TUSC3: variants seen among roughly 807,000 people sequenced by gnomAD.
TUSC3 encodes the protein dolichyl-diphosphooligosaccharide--protein glycosyltransferase subunit TUSC3.
Under a neutral mutation model 44.8 loss-of-function variants are expected in TUSC3, and 45 were observed. That is an observed-to-expected ratio of 1.00 (90% CI 0.79 to 1.29). The LOEUF (loss-of-function observed/expected upper bound fraction) is 1.29, where lower values mean the gene tolerates loss of function less well. TUSC3 is among the 50% of genes most tolerant of loss of function. The pLI is 0.00. For missense variants in TUSC3, 519 were observed against 437.9 expected (o/e 1.19, Z -1.65); for synonymous variants, 212 against 152.9 (o/e 1.39, Z -2.85).
At chr8:15,704,426 C>G (rs1031770241) in intron 6 of TUSC3, among the ~76,000 whole-genome samples, 2 of 151,724 alleles carry the variant, frequency 1.3e-5, no homozygotes, top group African/African-American at 2.4e-5. Context: ...TGTTAGGGAC[C>G]TTGAATTTTA....
chr8:15,705,766 G>T lies in TUSC3; in HGVS notation c.799-24900G>T, dbSNP rs867078641. Among the ~76,000 whole-genome samples, 4 of 151,990 alleles carry T rather than the reference G, an allele frequency of 2.6e-5. No individual in the cohort carries two copies. The South Asian group carries it at 8.3e-4, about 32-fold the overall frequency. On this transcript the variant is annotated intron_variant, in intron 6 of 10. Transcript: ENST00000503731. ...TCAGCCCAATGATGATGGCAGGTGGGTCATCTTCAGTCTGTCAGAGTTTGT... is the reference window on the plus strand; with the variant it reads ...TCAGCCCAATGATGATGGCAGGTGGTTCATCTTCAGTCTGTCAGAGTTTGT...
At chr8:15,718,586 T>G (rs1238386226) in intron 6 of TUSC3, among the ~76,000 whole-genome samples, 2 of 152,126 alleles carry the variant, frequency 1.3e-5, no homozygotes, top group Non-Finnish European at 2.9e-5. Flanking sequence ...ATACACATCT[T>G]CTAAAGGAGA....
chr8:15,773,205 G>T, the TUSC3 span, among the ~76,000 whole-genome samples: 1 of 152,106 alleles, frequency 6.6e-6, no homozygotes, highest in South Asian at 2.1e-4. Flanking sequence ...TCCTTTCACA[G>T]ATGGCATGAT....
intron 1 of TUSC3, among the ~76,000 whole-genome samples, chr8:15,600,967 G>C (rs1380947351): frequency 6.6e-6 from 1 of 151,538 alleles, no homozygotes; most frequent in Non-Finnish European, 1.5e-5. Flanking sequence ...TTTGTATTTA[G>C]TTAAAATAAT....
intron 6 of TUSC3, among the ~76,000 whole-genome samples, chr8:15,675,317 A>G (rs1835140): frequency 6.6e-6 from 1 of 151,682 alleles, no homozygotes; most frequent in South Asian, 2.1e-4. Context: ...GGTATAAAAC[A>G]TATTAAGGCA....
intron 7 of TUSC3, among the ~76,000 whole-genome samples, chr8:15,738,734 G>C (rs1410801761): frequency 6.6e-6 from 1 of 151,408 alleles, no homozygotes; most frequent in African/African-American, 2.4e-5. Context: ...TGTTTTAAAG[G>C]AGTCAGGTTT....
upstream of TUSC3, among the ~76,000 whole-genome samples, chr8:15,539,377 G>C (rs1801595584): frequency 1.1e-5 from 1 of 90,966 alleles, no homozygotes; most frequent in Non-Finnish European, 2.0e-5. Context: ...TTTTGAGACA[G>C]AGTCTCATTC....
intron 1 of TUSC3, among the ~76,000 whole-genome samples, chr8:15,462,998 GTTCTC>G (rs368472020): frequency 1.2e-3 from 188 of 152,008 alleles, no homozygotes; most frequent in African/African-American, 3.8e-3. Context: ...TCTTTATTTT[GTTCTC>G]TTCTCTTTAT....
chr8:15,480,756 T>C (rs558602350), intron 1 of TUSC3, among the ~76,000 whole-genome samples: 38 of 152,334 alleles, frequency 2.5e-4, no homozygotes, highest in Admixed American at 9.1e-4. Flanking sequence ...TCAGATCAGA[T>C]GAGAGCTATT....
intron 1 of TUSC3, among the ~76,000 whole-genome samples, chr8:15,589,208 G>A (rs1477504620): frequency 6.6e-6 from 1 of 152,078 alleles, no homozygotes; most frequent in African/African-American, 2.4e-5. Flanking sequence ...TGTCTTTACA[G>A]GTGACACAAG....
chr8:15,619,956 C>G (rs1348115790), intron 1 of TUSC3, among the ~76,000 whole-genome samples: 1 of 152,100 alleles, frequency 6.6e-6, no homozygotes, highest in Non-Finnish European at 1.5e-5. Flanking sequence ...AATAACAGTG[C>G]AAGGCTGAGG....
At chr8:15,552,073 A>G (rs1330172263) in intron 1 of TUSC3, among the ~76,000 whole-genome samples, 1 of 151,690 alleles carries the variant, frequency 6.6e-6, no homozygotes, top group Non-Finnish European at 1.5e-5. Context: ...GACAAGCCTT[A>G]TATGTTTGAT....
chr8:15,659,523 C>T lies in TUSC3; in HGVS notation c.443C>T (p.Ala148Val). The T allele has an allele frequency of 6.2e-7, 1 of 1,612,794 alleles. No individual in the cohort carries two copies. Reference sequence around the variant, plus strand: ...GTTTTACAGCTCAACATGAACTCTGCTCCTACATTCATGCATTTTCCTCCA... The same window carrying T: ...GTTTTACAGCTCAACATGAACTCTGTTCCTACATTCATGCATTTTCCTCCA... Reference protein sequence around the residue: ...DVFQQLNMNSAPTFMHFPPKG... With the variant: ...DVFQQLNMNSVPTFMHFPPKG... Residue 148 changes from alanine (A) to valine (V), a missense_variant, in exon 4 of 11, where the codon GCT becomes GTT. Coordinates refer to ENST00000503731, the MANE Select transcript of TUSC3 (RefSeq NM_006765.4).
Position 15,618,185 on chromosome 8 carries a change from G to A in TUSC3, c.139-4895G>A, listed in dbSNP as rs965551567. 4.6e-5 allele frequency among the ~76,000 whole-genome samples: 7 copies of A among 152,266 alleles called. No individual in the cohort carries two copies. The East Asian group carries it at 5.8e-4, about 13-fold the overall frequency. On this transcript the variant is annotated intron_variant, in intron 1 of 10. Coordinates refer to ENST00000503731, the MANE Select transcript of TUSC3 (RefSeq NM_006765.4). ...GTGAGTGAGTGTGAAGGCCTGGGAC[G>A]TTACTGTACACTACTGTAGACTCTA...
intron 6 of TUSC3, among the ~76,000 whole-genome samples, chr8:15,692,371 C>CCCCTTT (rs1563175839): frequency 5.3e-5 from 1 of 18,820 alleles, no homozygotes; most frequent in Non-Finnish European, 1.0e-4. Flanking sequence ...CCCCCCCCCC[C>CCCCTTT]TTTGTTTTTT....
chr8:15,465,985 C>G (rs868484647), intron 1 of TUSC3, among the ~76,000 whole-genome samples: 1 of 152,214 alleles, frequency 6.6e-6, no homozygotes, highest in Middle Eastern at 3.4e-3. Context: ...AACTCAAATT[C>G]AAATGTTAAA....
At chr8:15,608,515 T>C (rs1291217829) in intron 1 of TUSC3, among the ~76,000 whole-genome samples, 1 of 152,152 alleles carries the variant, frequency 6.6e-6, no homozygotes, top group African/African-American at 2.4e-5. Flanking sequence ...CTTTGTATAT[T>C]GATATGGTTT....
chr8:15,757,747 T>C (rs1811988885), intron 9 of TUSC3, 44 bp from the exon 10 acceptor site: 1 of 1,476,338 alleles, frequency 6.8e-7, no homozygotes, highest in Admixed American at 1.7e-5. Flanking sequence ...TCTTAAGGAT[T>C]ATTTTTTCCA....
chr8:15,493,231 G>C (rs902278699), intron 2 of TUSC3, among the ~76,000 whole-genome samples: 1 of 152,218 alleles, frequency 6.6e-6, no homozygotes, highest in Non-Finnish European at 1.5e-5. Context: ...TGACTCTATT[G>C]TATGAGTCCA....
Sources: gnomAD v4.1 joint callset for allele counts (sites outside exome capture counted in the v4.1 genomes callset) on GRCh38, gnomAD v4.1.1 for gene constraint, MANE v1.5 for transcripts, NCBI Gene and HGNC (gene_info 2026-07-23, HGNC 2026-07-21) for gene names.